KMT2C: variants seen among roughly 807,000 people sequenced by gnomAD.
The protein encoded by KMT2C is histone-lysine N-methyltransferase 2C.
In KMT2C, 88 loss-of-function variants were observed where a neutral mutation model predicts 507.9. That is an observed-to-expected ratio of 0.17 (90% confidence interval 0.15 to 0.21). The LOEUF is 0.21. Ranked by LOEUF, KMT2C falls within the 10% of genes least tolerant of loss-of-function variation. KMT2C has a pLI of 1.00. For missense variants in KMT2C, 4,954 were observed against 5,957.8 expected, an observed-to-expected ratio of 0.83 and a Z score of 5.55; for synonymous variants, 2,049 against 2,080.8, an observed-to-expected ratio of 0.98 and a Z score of 0.42.
At chr7:152,194,756 T>C (rs1001973745) in intron 28 of KMT2C, among the ~76,000 whole-genome samples, 188 bp from the exon 29 acceptor site, 3 of 151,924 alleles carry the variant, frequency 2.0e-5, no homozygotes, top group African/African-American at 7.3e-5. Flanking sequence ...ACAATATATT[T>C]GTATTCGGTG....
At chr7:152,139,647 T>A in intron 56 of KMT2C, 28 bp downstream of exon 56, 1 of 1,417,284 alleles carries the variant, frequency 7.1e-7, no homozygotes, top group East Asian at 2.3e-5. Context: ...TGGTGCTGTG[T>A]ATACAATCTC....
chr7:152,435,448 G>C (rs1270848794), intron 1 of KMT2C, among the ~76,000 whole-genome samples, 178 bp downstream of exon 1: 1 of 146,540 alleles, frequency 6.8e-6, no homozygotes, highest in Non-Finnish European at 1.5e-5. Flanking sequence ...GGCCGGGCGC[G>C]GGCGGCTACC....
At chr7:152,366,926 G>T (rs541475203) in intron 1 of KMT2C, 17 of 465,428 alleles carry the variant, frequency 3.7e-5, no homozygotes, top group Non-Finnish European at 7.7e-6. Flanking sequence ...ACGGGCCGGC[G>T]CCTGGCGGGC....
chr7:152,237,260 T>C (rs2095293940), intron 15 of KMT2C, among the ~76,000 whole-genome samples: 1 of 152,274 alleles, frequency 6.6e-6, no homozygotes, highest in Non-Finnish European at 1.5e-5. Context: ...TTTAGCAGAA[T>C]GGTTTCCAAG....
chr7:152,275,504 T>C (rs1245511110), intron 6 of KMT2C, among the ~76,000 whole-genome samples: 1 of 152,202 alleles, frequency 6.6e-6, no homozygotes, highest in Non-Finnish European at 1.5e-5. Context: ...ACACTTTAAT[T>C]TTATATAATA....
At chr7:152,303,854 G>A (rs562374166) in intron 6 of KMT2C, among the ~76,000 whole-genome samples, 21 of 152,242 alleles carry the variant, frequency 1.4e-4, no homozygotes, top group African/African-American at 4.8e-4. Flanking sequence ...CAGGCGTGGT[G>A]GTCCACGCCT....
In KMT2C at chr7:152,176,353, G is replaced by T. The variant is rs1016769957; in HGVS notation, c.9100C>A (p.Pro3034Thr). ...CTATTCTGCTGTGCTAATGTTTGAG[G>T]AATCATTAGCTGTTGGGGTCCAGAC... ...SMSGPQQLMI[P>T]QTLAQQNRER... The change falls in exon 38 of 59, where the codon CCT (proline) becomes ACT (threonine). Residue 3034 changes from proline to threonine, a missense_variant. Coordinates refer to ENST00000262189, the MANE Select transcript of KMT2C (RefSeq NM_170606.3). 1 of 1,614,134 alleles carries T rather than the reference G, an allele frequency of 6.2e-7. No individual in the cohort carries two copies.
chr7:152,176,822 T>C lies in KMT2C; in HGVS notation c.8631A>G (p.Leu2877=), dbSNP rs778407884. 27 of 1,614,130 alleles carry C rather than the reference T, an allele frequency of 1.7e-5. No individual in the cohort carries two copies. Among genetic ancestry groups the C allele is most frequent in the South Asian group, 1.3e-4 (12 of 91,092 alleles). Residue 2877 remains leucine, a synonymous_variant, in exon 38 of 59, where the codon CTA becomes CTG. Transcript: ENST00000262189. ...TTTCTCGATTGGTTCTTTTCTCAAATAGATCTGGATCACAAGGATGCAAAG... is the reference window on the plus strand; with the variant it reads ...TTTCTCGATTGGTTCTTTTCTCAAACAGATCTGGATCACAAGGATGCAAAG... The part of the protein sequence containing the change: ...KTSLHPCDPD[L]FEKRTNRETA...
chr7:152,223,381 T>A (rs572765210), intron 20 of KMT2C, among the ~76,000 whole-genome samples: 1 of 152,240 alleles, frequency 6.6e-6, no homozygotes, highest in African/African-American at 2.4e-5. Context: ...GTGTTAGATA[T>A]TTTTTATAAT....
chr7:152,408,295 G>GA (rs33974798), intron 1 of KMT2C, among the ~76,000 whole-genome samples: 13 of 137,618 alleles, frequency 9.4e-5, no homozygotes, highest in South Asian at 2.4e-4. Context: ...CTCAAAAAAA[G>GA]AAAAAAAAAA....
intron 24 of KMT2C, among the ~76,000 whole-genome samples, chr7:152,205,663 A>C (rs2094287212): frequency 6.6e-6 from 1 of 152,172 alleles, no homozygotes; most frequent in African/African-American, 2.4e-5. Flanking sequence ...CCACATACAG[A>C]CATCACCGTA....
In KMT2C at chr7:152,403,715, TACACACACACAC is replaced by T. The variant is rs36191060; in HGVS notation, c.161+31899_161+31910del. On this transcript the variant is annotated intron_variant, in intron 1 of 58. Transcript: ENST00000262189. ...CTGGATAAAGAAAAACTGGGACACA[TACACACACACAC>T]ACACACACACACACACACACACACA... 2.7e-5 allele frequency among the ~76,000 whole-genome samples: 4 copies of T among 145,800 alleles called. No homozygotes were observed. The East Asian group carries it at 6.3e-4, about 23-fold the overall frequency.
In KMT2C at chr7:152,182,182, G is replaced by T; in HGVS notation, c.5678C>A (p.Ser1893Tyr). The T allele has an allele frequency of 6.2e-7, 1 of 1,614,208 alleles. No homozygotes were observed. The highest frequency in any genetic ancestry group is 2.2e-5 in the East Asian group (1 of 44,884). ...SPGSSNSRPP[S>Y]PMDPYAKMVG... The stretch of plus-strand genomic sequence containing the variant: ...CATTTTTGCATATGGATCCATTGGA[G>T]ATGGTGGTCGTGAGTTAGAGGACCC... Residue 1893 changes from serine (S) to tyrosine (Y), a missense_variant, in exon 36 of 59, where the codon TCT becomes TAT. This residue lies in a region of KMT2C where 1,689 missense variants were observed against 1,654.3 expected (regional missense o/e 1.02). Coordinates refer to ENST00000262189, the MANE Select transcript of KMT2C (RefSeq NM_170606.3).
At chr7:152,258,365 T>G (rs2095697666) in intron 9 of KMT2C, among the ~76,000 whole-genome samples, 1 of 152,180 alleles carries the variant, frequency 6.6e-6, no homozygotes, top group Non-Finnish European at 1.5e-5. Flanking sequence ...AAGTTTAACA[T>G]GTGAAAGAAG....
chr7:152,384,675 A>G lies in KMT2C; in HGVS notation c.162-26000T>C, dbSNP rs547272137. Reference sequence around the variant, plus strand: ...AGAGATCTTGTCTTTGGGTATTTCCAGATACTGTCCTATACAGTAACAGAT... The same window carrying G: ...AGAGATCTTGTCTTTGGGTATTTCCGGATACTGTCCTATACAGTAACAGAT... On this transcript the variant is annotated intron_variant, in intron 1 of 58. Transcript: ENST00000262189. 5.7e-4 allele frequency among the ~76,000 whole-genome samples: 87 copies of G among 151,696 alleles called. No individual in the cohort carries two copies. In the South Asian group the frequency reaches 0.018, roughly 31 times the overall value.
intron 1 of KMT2C, among the ~76,000 whole-genome samples, chr7:152,397,894 T>C (rs2097546754): frequency 6.6e-6 from 1 of 152,282 alleles, no homozygotes; most frequent in Non-Finnish European, 1.5e-5. Flanking sequence ...ATTAAACTTC[T>C]TTTTCTTTAA....
chr7:152,140,753 C>G (rs977466632), intron 55 of KMT2C, among the ~76,000 whole-genome samples: 1 of 152,072 alleles, frequency 6.6e-6, no homozygotes, highest in African/African-American at 2.4e-5. Context: ...GAAGCACATC[C>G]GGGAGCACAT....
chr7:152,212,636 A>G, intron 23 of KMT2C, among the ~76,000 whole-genome samples: 1 of 152,246 alleles, frequency 6.6e-6, no homozygotes, highest in East Asian at 1.9e-4. Flanking sequence ...AAAATGAAGA[A>G]AACATTTCCA....
intron 23 of KMT2C, among the ~76,000 whole-genome samples, chr7:152,218,034 A>T (rs1457037561): frequency 6.6e-6 from 1 of 152,232 alleles, no homozygotes; most frequent in African/African-American, 2.4e-5. Flanking sequence ...TGCCCAAATC[A>T]AATTACCTGT....
Sources: gnomAD v4.1 joint callset for allele counts (sites outside exome capture counted in the v4.1 genomes callset) on GRCh38, gnomAD v4.1.1 for gene constraint, gnomAD v4.1.1 regional missense constraint, MANE v1.5 for transcripts, NCBI Gene and HGNC (gene_info 2026-07-23, HGNC 2026-07-21) for gene names.